Variants in TRPS1 observed in about 807,000 individuals in gnomAD.
The protein encoded by TRPS1 is zinc finger transcription factor Trps1.
A neutral mutation model predicts 101.2 loss-of-function variants in TRPS1; 6 were observed. The ratio of observed to expected loss-of-function variants is 0.06; its 90% confidence interval spans 0.03 to 0.12. TRPS1 has a LOEUF of 0.12. TRPS1 is among the 10% of genes least tolerant of loss of function. TRPS1 has a pLI of 1.00. For synonymous variants in TRPS1, 578 were observed against 589.8 expected (o/e 0.98, Z 0.29); for missense variants, 1,363 against 1,567.0 (o/e 0.87, Z 2.20).
intron 5 of TRPS1, among the ~76,000 whole-genome samples, chr8:115,528,130 C>T (rs558065666): frequency 1.5e-3 from 228 of 152,070 alleles, no homozygotes; most frequent in Middle Eastern, 3.4e-3. Context: ...TAAATAGTCA[C>T]CATAAAAGAC....
intron 5 of TRPS1, among the ~76,000 whole-genome samples, chr8:115,582,484 C>A (rs894993791): frequency 6.6e-6 from 1 of 152,180 alleles, no homozygotes; most frequent in African/African-American, 2.4e-5. Flanking sequence ...ATCACACTTA[C>A]AAAATGAACA....
intron 3 of TRPS1, among the ~76,000 whole-genome samples, chr8:115,612,530 T>C (rs759259862): frequency 1.6e-4 from 24 of 152,190 alleles, no homozygotes; most frequent in Non-Finnish European, 2.8e-4. Context: ...AAGAAAGTTG[T>C]TGTGGGGAAC....
At chr8:115,640,870 C>T (rs536017666) in intron 1 of TRPS1, among the ~76,000 whole-genome samples, 2 of 152,298 alleles carry the variant, frequency 1.3e-5, no homozygotes, top group South Asian at 4.1e-4. Context: ...CCTTATATAA[C>T]AGGTAAGCCT....
At chr8:115,656,859 T>C (rs1226194262) in intron 1 of TRPS1, among the ~76,000 whole-genome samples, 2 of 152,126 alleles carry the variant, frequency 1.3e-5, no homozygotes, top group African/African-American at 2.4e-5. Flanking sequence ...ACAAGGTTTC[T>C]GGAATAAGAA....
chr8:115,636,114 A>T (rs1818761568), intron 1 of TRPS1, among the ~76,000 whole-genome samples: 2 of 151,844 alleles, frequency 1.3e-5, no homozygotes, highest in South Asian at 4.1e-4. Flanking sequence ...ATCAGGAATT[A>T]AATATAACCC....
intron 5 of TRPS1, among the ~76,000 whole-genome samples, chr8:115,484,111 T>C (rs1814822146): frequency 6.6e-6 from 1 of 152,134 alleles, no homozygotes; most frequent in African/African-American, 2.4e-5. Context: ...TCAAATAGTT[T>C]AGAATAATGA....
In TRPS1 at chr8:115,663,721, GAAAAAAA is replaced by G. The variant is rs1201864123; in HGVS notation, c.-122+4817_-122+4823del. On this transcript the variant is annotated intron_variant, in intron 1 of 6. Transcript: ENST00000395715. ...ATTTGGATTTGTGCTCTTGGAAAAG[GAAAAAAA>G]AAAAAAAAAAAAAAACTGGGATAGC... 3.5e-3 allele frequency among the ~76,000 whole-genome samples: 271 copies of G among 76,818 alleles called. 1 individual carries two copies. Among genetic ancestry groups the G allele is most frequent in the African/African-American group, 9.4e-3 (261 of 27,778 alleles). 50.4% of individuals were successfully genotyped at this position (76,818 alleles called of 152,430 possible). A position where few individuals can be genotyped will look rare whatever the true frequency, so the allele number is the denominator to read the frequency against.
chr8:115,616,588 G>A (rs1355141369), intron 3 of TRPS1, among the ~76,000 whole-genome samples: 1 of 149,158 alleles, frequency 6.7e-6, no homozygotes, highest in Non-Finnish European at 1.5e-5. Flanking sequence ...TGTTCTGAAT[G>A]TTTTTTAAAA....
chr8:115,437,964 C>G (rs75777352), intron 5 of TRPS1, among the ~76,000 whole-genome samples: 3,391 of 152,140 alleles, frequency 0.022, 113 homozygotes, highest in African/African-American at 0.077. Flanking sequence ...ATCTAGCAAG[C>G]GAATCTCATA....
rs1022606650 is a variant in TRPS1, at chr8:115,412,290, C to T, written c.*1733G>A. On this transcript the variant is annotated 3_prime_UTR_variant, in exon 7 of 7. Transcript: ENST00000395715. Reference sequence around the variant, plus strand: ...TCCATACCATTATAGCAAGAACTTTCATTTGTTTCATGTTACCGTTTACAA... The same window carrying T: ...TCCATACCATTATAGCAAGAACTTTTATTTGTTTCATGTTACCGTTTACAA... The T allele has an allele frequency of 5.9e-5, 9 of 152,348 alleles. No individual in the cohort carries two copies. The highest frequency in any genetic ancestry group is 3.4e-3 in the Middle Eastern group (1 of 294). The allele number at this position is 152,348 out of a possible 1,614,324, so 9.4% of individuals were successfully genotyped here. A position where few individuals can be genotyped will look rare whatever the true frequency, so the allele number is the denominator to read the frequency against.
At chr8:115,432,061 T>C (rs528296542) in intron 5 of TRPS1, among the ~76,000 whole-genome samples, 3 of 151,908 alleles carry the variant, frequency 2.0e-5, no homozygotes, top group African/African-American at 7.2e-5. Flanking sequence ...TTTAAAAAAT[T>C]CAGAGGCTAA....
intron 5 of TRPS1, among the ~76,000 whole-genome samples, chr8:115,498,401 CTCTCTCTCTCTCTCTATATATATATATA>C (rs1183943672): frequency 1.2e-5 from 1 of 85,434 alleles, no homozygotes; most frequent in African/African-American, 5.1e-5. Flanking sequence ...CTCTCTCTCT[CTCTCTCTCTCTCTCTATATATATATATA>C]TATATATATA....
chr8:115,611,839 A>G (rs780565442), intron 3 of TRPS1, among the ~76,000 whole-genome samples: 13 of 152,218 alleles, frequency 8.5e-5, no homozygotes, highest in African/African-American at 4.8e-5. Flanking sequence ...AATAAGTAAT[A>G]TAAATGTGCT....
chr8:115,448,605 T>C (rs1040178350), intron 5 of TRPS1, among the ~76,000 whole-genome samples: 3 of 152,182 alleles, frequency 2.0e-5, no homozygotes, highest in Non-Finnish European at 4.4e-5. Flanking sequence ...AATTCCGAGA[T>C]AGACAATGCA....
chr8:115,633,780 GA>G (rs1360292124), intron 1 of TRPS1, among the ~76,000 whole-genome samples: 1 of 152,154 alleles, frequency 6.6e-6, no homozygotes, highest in African/African-American at 2.4e-5. Context: ...GTGTGTGCTA[GA>G]TTCTACCTTC....
intron 5 of TRPS1, among the ~76,000 whole-genome samples, chr8:115,428,575 A>G (rs1365094169): frequency 1.3e-5 from 2 of 152,244 alleles, no homozygotes; most frequent in East Asian, 3.8e-4. Flanking sequence ...ACAGAGGTTC[A>G]AAACAGTTAA....
rs373383171 is a variant in TRPS1 at position 115,424,371 on chromosome 8, C to T, written c.2701-5919G>A. Reference sequence around the variant, plus strand: ...CTTCTGGTACGATTTCACAGTAATACAATTTCAGTGGTAAATTAAGTCAAT... The same window carrying T: ...CTTCTGGTACGATTTCACAGTAATATAATTTCAGTGGTAAATTAAGTCAAT... On this transcript the variant is annotated intron_variant, in intron 5 of 6. Transcript: ENST00000395715. Among the ~76,000 whole-genome samples, 6 of 152,336 alleles carry T rather than the reference C, an allele frequency of 3.9e-5. No homozygotes were observed. In the East Asian group the frequency reaches 7.7e-4, roughly 20 times the overall value.
intron 1 of TRPS1, chr8:115,668,144 C>G (rs1042846258): frequency 3.4e-6 from 2 of 581,654 alleles, no homozygotes; most frequent in Non-Finnish European, 6.1e-6. Flanking sequence ...CTGCTGACTC[C>G]AGGGGCTACT....
At chr8:115,585,220 T>TA (rs1449314117) in intron 5 of TRPS1, among the ~76,000 whole-genome samples, 3 of 152,148 alleles carry the variant, frequency 2.0e-5, no homozygotes. Flanking sequence ...ATCAGGGATT[T>TA]AAGGAAGTGG....
Sources: allele counts gnomAD v4.1 joint callset (sites outside exome capture counted in the v4.1 genomes callset), GRCh38; gene constraint gnomAD v4.1.1; transcripts MANE v1.5; gene names NCBI Gene and HGNC (gene_info 2026-07-23, HGNC 2026-07-21).